Variants in NRK observed in about 807,000 individuals in gnomAD.
NRK encodes nik-related protein kinase.
In NRK, 67 loss-of-function variants were observed where a neutral mutation model predicts 125.2. The observed-to-expected ratio is 0.54, with a 90% CI of 0.44 to 0.66. The LOEUF (loss-of-function observed/expected upper bound fraction) is 0.66. Among genes scored for constraint, NRK ranks in the 30% least tolerant of loss-of-function variants. The probability of loss-of-function intolerance (pLI) is 0.00; values close to 1 mark genes in which losing one functional copy is unlikely to be tolerated. For synonymous variants in NRK, 458 were observed against 429.0 expected (o/e 1.07, Z -0.84); for missense variants, 1,224 against 1,192.9 (o/e 1.03, Z -0.38).
chrX:105,919,973 C>T (rs1395358581), intron 16 of NRK, among the ~76,000 whole-genome samples: 1 of 104,408 alleles, frequency 9.6e-6, no homozygotes, highest in African/African-American at 3.5e-5. Flanking sequence ...TTGCCCATGC[C>T]TATGTCCTGA....
rs748826803 is a variant in NRK at position 105,822,872 on chromosome X, C to T, written c.27C>T (p.Asp9=). MAGPGGWR[D]REVTDLGHLP... is the part of the protein sequence containing the mutation. ...TGGCGGGACCTGGGGGCTGGAGGGA[C>T]AGGGAGGTCACGGATCTGGGCCACC... The change falls in exon 1 of 29, where the codon GAC becomes GAT. Residue 9 remains aspartate, a synonymous_variant. Transcript: ENST00000243300. 86 of 1,170,692 alleles carry T rather than the reference C, an allele frequency of 7.3e-5. No homozygotes were observed. The East Asian group carries it at 2.6e-3, about 35-fold the overall frequency.
chrX:105,898,505 A>G, intron 7 of NRK, 79 bp from the exon 8 acceptor site: 1 of 944,340 alleles, frequency 1.1e-6, no homozygotes, highest in Non-Finnish European at 1.4e-6. Context: ...CTTTTGTATC[A>G]GCTTTCCAAG....
At chrX:105,872,695 A>C (rs1318622581) in intron 2 of NRK, among the ~76,000 whole-genome samples, 2 of 111,499 alleles carry the variant, frequency 1.8e-5, no homozygotes, top group African/African-American at 6.5e-5. Flanking sequence ...GCAAAATGAA[A>C]ACTTTCAAAT....
chrX:105,922,214 A>G (rs1360625757), intron 17 of NRK, among the ~76,000 whole-genome samples, 153 bp downstream of exon 17: 2 of 112,552 alleles, frequency 1.8e-5, no homozygotes, highest in Non-Finnish European at 3.8e-5. Context: ...TTGTGAATAC[A>G]TAGAACACAA....
chrX:105,881,091 C>T (rs994794784), intron 3 of NRK, among the ~76,000 whole-genome samples: 2 of 110,731 alleles, frequency 1.8e-5, no homozygotes, highest in East Asian at 2.8e-4. Flanking sequence ...CAAATCTGCA[C>T]ATTCTGCACA....
intron 5 of NRK, among the ~76,000 whole-genome samples, chrX:105,889,955 C>G (rs1325457350): frequency 8.9e-6 from 1 of 112,321 alleles, no homozygotes; most frequent in Non-Finnish European, 1.9e-5. Context: ...ACGTTTGGCT[C>G]CTTGTTACTT....
In NRK at chrX:105,863,215, G is replaced by T. The variant is rs961057460; in HGVS notation, c.124-16984G>T. On this transcript the variant is annotated intron_variant, in intron 2 of 28. Transcript: ENST00000243300. Reference sequence around the variant, plus strand: ...TGCTGAAGTTGCAGAAGGTACGAAGGCAGTTGTGTTATTGAATACTATTAC... The same window carrying T: ...TGCTGAAGTTGCAGAAGGTACGAAGTCAGTTGTGTTATTGAATACTATTAC... 2.7e-5 allele frequency among the ~76,000 whole-genome samples: 3 copies of T among 110,807 alleles called. No individual in the cohort carries two copies. The Admixed American group carries it at 2.9e-4, about 11-fold the overall frequency.
chrX:105,950,527 AGTGTGTGTGTGTGTGTGTGTGT>A (rs56383254), intron 27 of NRK, among the ~76,000 whole-genome samples: 42 of 77,971 alleles, frequency 5.4e-4, no homozygotes, highest in African/African-American at 1.6e-3. Context: ...AAAAGGCAGC[AGTGTGTGTGTGTGTGTGTGTGT>A]GTGTGTGTGT....
chrX:105,880,244 A>G lies in NRK; in HGVS notation c.169A>G (p.Asn57Asp). The G allele has an allele frequency of 9.5e-7, 1 of 1,051,702 alleles. No homozygotes were observed. The highest frequency in any genetic ancestry group is 1.3e-6 in the Non-Finnish European group (1 of 784,184). 86.7% of individuals were successfully genotyped at this position (1,051,702 alleles called of 1,213,427 possible). Residue 57 changes from asparagine to aspartate, a missense_variant, in exon 3 of 29, where the codon AAC (asparagine) becomes GAC (aspartate). Asn to Asp is a conservative substitution (Grantham distance 23). Coordinates refer to ENST00000243300, the MANE Select transcript of NRK (RefSeq NM_198465.4). ...TGAFTAVKVM[N>D]ARKTPLPEIG... ...TGCATTTACAGCTGTTAAAGTGATG[A>G]ACGCTCGTAAGGTAATATTATAAAT...
chrX:105,943,903 C>A, intron 23 of NRK, 38 bp from the exon 24 acceptor site: 1 of 687,396 alleles, frequency 1.5e-6, no homozygotes, highest in Non-Finnish European at 2.2e-6. Flanking sequence ...TTCTTGTTAA[C>A]TGTGGCATCG....
At position 105,949,643 on chromosome X, in the gene NRK, C is replaced by A. The variant is rs1165379257; in HGVS notation, c.4422C>A (p.Leu1474=). 1.7e-6 allele frequency: 2 copies of A among 1,191,394 alleles called. No homozygotes were observed. Among genetic ancestry groups the A allele is most frequent in the Admixed American group, 4.4e-5 (2 of 45,883 alleles). Residue 1474 remains leucine (L), a synonymous_variant, in exon 27 of 29, where the codon CTC becomes CTA. Coordinates refer to ENST00000243300, the MANE Select transcript of NRK (RefSeq NM_198465.4). The part of the protein sequence containing the change: ...LPDCLGIGMM[L]TFNAEALSVE... Reference sequence around the variant, plus strand: ...ATTGCTTGGGAATTGGCATGATGCTCACCTTCAATGCTGAAGCCCTCTCTG... The same window carrying A: ...ATTGCTTGGGAATTGGCATGATGCTAACCTTCAATGCTGAAGCCCTCTCTG...
chrX:105,937,644 T>G, intron 22 of NRK, 62 bp downstream of exon 22: 410 of 853,368 alleles, frequency 4.8e-4, no homozygotes, highest in Non-Finnish European at 6.3e-4. Flanking sequence ...GCAAACTGGG[T>G]TAAAGACTTT....
At chrX:105,905,755 T>A (rs2202250) in intron 10 of NRK, among the ~76,000 whole-genome samples, 1,736 of 112,251 alleles carry the variant, frequency 0.015, 35 homozygotes, top group African/African-American at 0.053. Context: ...GGCACTTACA[T>A]GCCAGCTAAA....
At chrX:105,926,749 T>G (rs2040528945) in intron 19 of NRK, among the ~76,000 whole-genome samples, 1 of 111,135 alleles carries the variant, frequency 9.0e-6, no homozygotes, top group Non-Finnish European at 1.9e-5. Context: ...TTGAAGACAT[T>G]GTTCTTTCCC....
At chrX:105,928,975 T>G (rs896675476) in intron 19 of NRK, among the ~76,000 whole-genome samples, 2 of 111,865 alleles carry the variant, frequency 1.8e-5, no homozygotes, top group Non-Finnish European at 3.8e-5. Flanking sequence ...GGGTGAAATG[T>G]TCTATAAATG....
intron 2 of NRK, among the ~76,000 whole-genome samples, chrX:105,872,103 C>A (rs1011156698): frequency 9.0e-6 from 1 of 111,349 alleles, no homozygotes; most frequent in East Asian, 2.9e-4. Context: ...AAGGAAAAAA[C>A]CACACCTAAG....
intron 5 of NRK, among the ~76,000 whole-genome samples, chrX:105,889,320 C>T (rs1193177641): frequency 1.0e-5 from 1 of 96,153 alleles, no homozygotes; most frequent in East Asian, 3.4e-4. Context: ...TGGTCTTGGC[C>T]AACTCTGCCT....
chrX:105,926,842 A>G (rs1483152320), intron 19 of NRK, among the ~76,000 whole-genome samples: 1 of 110,995 alleles, frequency 9.0e-6, no homozygotes, highest in African/African-American at 3.3e-5. Context: ...GGTCCTTTAT[A>G]CCGTTCCATT....
At chrX:105,908,142 C>T (rs770324105) in intron 11 of NRK, 98 bp from the exon 12 acceptor site, 5 of 490,104 alleles carry the variant, frequency 1.0e-5, no homozygotes, top group African/African-American at 5.0e-5. Flanking sequence ...GTAATTCACT[C>T]CACATCCTAA....
Sources: allele counts gnomAD v4.1 joint callset (sites outside exome capture counted in the v4.1 genomes callset), GRCh38; gene constraint gnomAD v4.1.1; transcripts MANE v1.5; gene names NCBI Gene and HGNC (gene_info 2026-07-23, HGNC 2026-07-21).